The following STARD13 variants were observed in gnomAD, a reference collection of about 807,000 sequenced individuals.
The protein encoded by STARD13 is StAR related lipid transfer domain containing 13, also known as stAR-related lipid transfer protein 13.
STARD13 carries 62 observed loss-of-function variants against 106.4 expected under a neutral mutation model. That is an observed-to-expected ratio of 0.58 (90% CI 0.48 to 0.72). STARD13 has a LOEUF of 0.72. Ranked by LOEUF, STARD13 falls within the 30% of genes least tolerant of loss-of-function variation. The pLI is 0.00. For missense variants in STARD13, 1,387 were observed against 1,424.0 expected, an observed-to-expected ratio of 0.97 and a Z score of 0.42; for synonymous variants, 565 against 553.0, an observed-to-expected ratio of 1.02 and a Z score of -0.31.
chr13:33,486,354 G>A, the STARD13 span, among the ~76,000 whole-genome samples: 1 of 152,098 alleles, frequency 6.6e-6, no homozygotes, highest in Non-Finnish European at 1.5e-5. Flanking sequence ...GCCCGAAATT[G>A]TGCATAGTAC....
upstream of STARD13, among the ~76,000 whole-genome samples, chr13:33,353,180 A>G (rs566344608): frequency 6.6e-6 from 1 of 152,276 alleles, no homozygotes; most frequent in African/African-American, 2.4e-5. Flanking sequence ...TAAATAAACC[A>G]AAACTAAAAT....
intron 4 of STARD13, among the ~76,000 whole-genome samples, chr13:33,137,024 T>C (rs1408533651): frequency 2.0e-5 from 3 of 152,364 alleles, no homozygotes; most frequent in South Asian, 2.1e-4. Context: ...AGAAAAATCC[T>C]GCATCATTAT....
At chr13:33,111,990 T>C (rs1874650152) in intron 9 of STARD13, 98 bp from the exon 10 acceptor site, 1 of 706,656 alleles carries the variant, frequency 1.4e-6, no homozygotes, top group South Asian at 1.7e-5. Context: ...ACCCAGATGC[T>C]ATCCAGATCC....
chr13:33,107,082 C>T, intron 12 of STARD13, 148 bp from the exon 13 acceptor site: 1 of 698,864 alleles, frequency 1.4e-6, no homozygotes, highest in South Asian at 2.1e-5. Flanking sequence ...TAATGGCTTT[C>T]ATAAGCTTGT....
chr13:33,216,722 A>T (rs1021614326), intron 1 of STARD13, among the ~76,000 whole-genome samples: 1 of 152,222 alleles, frequency 6.6e-6, no homozygotes, highest in African/African-American at 2.4e-5. Context: ...GCAATAAAAA[A>T]TTTAAATAAA....
the STARD13 span, among the ~76,000 whole-genome samples, chr13:33,390,662 G>A: frequency 6.6e-6 from 1 of 152,288 alleles, no homozygotes; most frequent in Non-Finnish European, 1.5e-5. Flanking sequence ...TATGAAGAGA[G>A]AGTTGTTATT....
At chr13:33,137,804 A>G (rs1212179967) in intron 4 of STARD13, among the ~76,000 whole-genome samples, 1 of 152,234 alleles carries the variant, frequency 6.6e-6, no homozygotes, top group Non-Finnish European at 1.5e-5. Context: ...TTGCAATTCA[A>G]GGCTGTTAAT....
the STARD13 span, among the ~76,000 whole-genome samples, chr13:33,640,941 A>G: frequency 1.3e-5 from 2 of 152,262 alleles, no homozygotes; most frequent in African/African-American, 4.8e-5. Flanking sequence ...ATACACATTT[A>G]TTTAATGTGT....
the STARD13 span, among the ~76,000 whole-genome samples, chr13:33,539,004 T>C: frequency 1.3e-5 from 2 of 152,036 alleles, no homozygotes; most frequent in Admixed American, 1.3e-4. Flanking sequence ...CTCCTGACCT[T>C]GTGATCCGCC....
At chr13:33,327,676 G>A (rs1049915084) in intron 1 of STARD13, among the ~76,000 whole-genome samples, 3 of 152,176 alleles carry the variant, frequency 2.0e-5, no homozygotes, top group Non-Finnish European at 4.4e-5. Flanking sequence ...GGTCCCTTTG[G>A]TGATTTTTAT....
chr13:33,458,639 T>C, the STARD13 span, among the ~76,000 whole-genome samples: 1 of 152,082 alleles, frequency 6.6e-6, no homozygotes, highest in Non-Finnish European at 1.5e-5. Flanking sequence ...GGTCTTTATG[T>C]AAATTAGAAT....
the STARD13 span, among the ~76,000 whole-genome samples, chr13:33,651,112 C>G: frequency 1.1e-3 from 166 of 152,324 alleles, 1 homozygote; most frequent in Middle Eastern, 0.017. Flanking sequence ...GCTTTTATCA[C>G]AAAGCTTTAC....
chr13:33,362,326 A>G, the STARD13 span, among the ~76,000 whole-genome samples: 1 of 152,116 alleles, frequency 6.6e-6, no homozygotes. Context: ...CACCAAAGAG[A>G]TGGTGCTAAA....
the STARD13 span, among the ~76,000 whole-genome samples, chr13:33,420,480 C>T: frequency 6.6e-6 from 1 of 152,186 alleles, no homozygotes; most frequent in South Asian, 2.1e-4. Flanking sequence ...TACAAAGAGA[C>T]TTAGACTCCC....
At chr13:33,144,490 T>A (rs1388899092) in intron 3 of STARD13, among the ~76,000 whole-genome samples, 2 of 152,252 alleles carry the variant, frequency 1.3e-5, no homozygotes, top group Non-Finnish European at 2.9e-5. Flanking sequence ...AAACCAGTTC[T>A]ATTTCTCAAC....
At chr13:33,322,449 T>C (rs1893597466) in intron 1 of STARD13, among the ~76,000 whole-genome samples, 1 of 152,254 alleles carries the variant, frequency 6.6e-6, no homozygotes, top group African/African-American at 2.4e-5. Flanking sequence ...ATGTATCTGA[T>C]ATTTTCATTT....
the STARD13 span, among the ~76,000 whole-genome samples, chr13:33,653,957 T>C: frequency 4.6e-5 from 7 of 152,246 alleles, no homozygotes; most frequent in Admixed American, 1.3e-4. Context: ...ATTAAGGACA[T>C]GCAAATCAAA....
At chr13:33,115,041 G>A (rs1045104390) in intron 8 of STARD13, among the ~76,000 whole-genome samples, 3 of 151,976 alleles carry the variant, frequency 2.0e-5, no homozygotes, top group East Asian at 3.9e-4. Flanking sequence ...AGATTCCTGT[G>A]GATTCTGAAC....
the STARD13 span, among the ~76,000 whole-genome samples, chr13:33,544,445 T>C: frequency 6.6e-6 from 1 of 152,248 alleles, no homozygotes; most frequent in African/African-American, 2.4e-5. Context: ...ACACTGTAAC[T>C]TTTGTGCTTG....
Sources: gnomAD v4.1 joint callset for allele counts (sites outside exome capture counted in the v4.1 genomes callset) on GRCh38, gnomAD v4.1.1 for gene constraint, MANE v1.5 for transcripts, NCBI Gene and HGNC (gene_info 2026-07-23, HGNC 2026-07-21) for gene names.